MAP4K3: variants seen among roughly 807,000 people sequenced by gnomAD.
The protein encoded by MAP4K3 is MAPK/ERK kinase kinase kinase 3.
MAP4K3 carries 94 observed loss-of-function variants against 143.5 expected under a neutral mutation model. The observed-to-expected ratio is 0.65, with a 90% CI of 0.55 to 0.78. The LOEUF (loss-of-function observed/expected upper bound fraction) is 0.78. MAP4K3 is among the 30% of genes least tolerant of loss of function. MAP4K3 has a pLI of 0.00. For synonymous variants in MAP4K3, 416 were observed against 347.2 expected (o/e 1.20, Z -2.20); for missense variants, 1,077 against 1,068.1 (o/e 1.01, Z -0.12).
intron 12 of MAP4K3, among the ~76,000 whole-genome samples, chr2:39,322,560 T>C (rs1015921673): frequency 1.3e-5 from 2 of 151,414 alleles, no homozygotes; most frequent in African/African-American, 2.4e-5. Context: ...GCATAACCTA[T>C]AAAAAACTTA....
At chr2:39,422,430 C>G (rs1216599830) in intron 1 of MAP4K3, among the ~76,000 whole-genome samples, 4 of 152,122 alleles carry the variant, frequency 2.6e-5, no homozygotes, top group Non-Finnish European at 5.9e-5. Flanking sequence ...CAGGAGAAAA[C>G]AGCCAACTAT....
chr2:39,383,651 C>T (rs771790804), intron 1 of MAP4K3, among the ~76,000 whole-genome samples: 2 of 151,728 alleles, frequency 1.3e-5, no homozygotes, highest in Non-Finnish European at 2.9e-5. Context: ...AATAAGAGTG[C>T]CTGTGTTCAC....
chr2:39,300,822 A>G (rs891185110), intron 15 of MAP4K3, among the ~76,000 whole-genome samples: 3 of 152,214 alleles, frequency 2.0e-5, no homozygotes, highest in Non-Finnish European at 4.4e-5. Context: ...TAGCACTTAC[A>G]CTGCATTTTA....
intron 1 of MAP4K3, among the ~76,000 whole-genome samples, chr2:39,384,781 C>A (rs923492330): frequency 6.6e-6 from 1 of 152,012 alleles, no homozygotes; most frequent in Non-Finnish European, 1.5e-5. Flanking sequence ...AACTACCAGA[C>A]AATAAAATGG....
intron 1 of MAP4K3, among the ~76,000 whole-genome samples, chr2:39,414,117 A>G (rs1667304253): frequency 6.6e-6 from 1 of 152,168 alleles, no homozygotes; most frequent in African/African-American, 2.4e-5. Context: ...GATACTTTAC[A>G]ATAAGCAACA....
intron 8 of MAP4K3, among the ~76,000 whole-genome samples, chr2:39,329,247 C>T (rs1683607206): frequency 6.6e-6 from 1 of 152,128 alleles, no homozygotes; most frequent in Admixed American, 6.5e-5. Context: ...TACAATAAAA[C>T]TGAGAAGACA....
chr2:39,294,305 C>T (rs1051083584), intron 16 of MAP4K3: 1 of 152,142 alleles, frequency 6.6e-6, no homozygotes, highest in Non-Finnish European at 1.5e-5. Flanking sequence ...AGGTTTTAGG[C>T]ATCAATATTT....
intron 1 of MAP4K3, among the ~76,000 whole-genome samples, chr2:39,419,532 G>A (rs575839377): frequency 3.3e-5 from 5 of 152,082 alleles, no homozygotes; most frequent in East Asian, 1.9e-4. Flanking sequence ...TAGCAGCTCC[G>A]CCCAGTAATT....
chr2:39,361,698 A>G (rs1023887066), intron 2 of MAP4K3, among the ~76,000 whole-genome samples: 1 of 151,166 alleles, frequency 6.6e-6, no homozygotes, highest in Admixed American at 6.6e-5. Context: ...TATTTAAACT[A>G]CATTTTATTT....
intron 14 of MAP4K3, 41 bp from the exon 15 acceptor site, chr2:39,308,046 A>G (rs757309670): frequency 1.4e-6 from 2 of 1,414,542 alleles, no homozygotes; most frequent in Admixed American, 2.2e-5. Context: ...ATTTACGCTT[A>G]GACTAAAAGC....
chr2:39,411,241 C>G (rs1395139583), intron 1 of MAP4K3, among the ~76,000 whole-genome samples: 1 of 152,162 alleles, frequency 6.6e-6, no homozygotes, highest in Non-Finnish European at 1.5e-5. Flanking sequence ...AAGCAGAGTA[C>G]AGACAGAAAG....
intron 2 of MAP4K3, among the ~76,000 whole-genome samples, chr2:39,375,764 G>C: frequency 6.6e-6 from 1 of 152,034 alleles, no homozygotes; most frequent in Admixed American, 6.6e-5. Flanking sequence ...AGTCCACCTC[G>C]TCCCCAGCTC....
At chr2:39,282,110 G>T (rs888636855) in intron 22 of MAP4K3, among the ~76,000 whole-genome samples, 4 of 151,626 alleles carry the variant, frequency 2.6e-5, no homozygotes, top group Non-Finnish European at 5.9e-5. Context: ...CAGGAGAATG[G>T]CATGAACCTG....
intron 31 of MAP4K3, among the ~76,000 whole-genome samples, chr2:39,257,412 T>A (rs1409770401): frequency 6.6e-6 from 1 of 152,138 alleles, no homozygotes; most frequent in Admixed American, 6.5e-5. Context: ...CAAAACATAA[T>A]CTGGTATACT....
chr2:39,313,481 T>C (rs1002098108), intron 13 of MAP4K3, among the ~76,000 whole-genome samples: 4 of 151,734 alleles, frequency 2.6e-5, no homozygotes, highest in Admixed American at 6.6e-5. Flanking sequence ...CTTCCTTTCT[T>C]TTTCTTTTCT....
At chr2:39,282,296 G>A (rs993496238) in intron 22 of MAP4K3, among the ~76,000 whole-genome samples, 25 of 150,442 alleles carry the variant, frequency 1.7e-4, no homozygotes, top group Non-Finnish European at 2.5e-4. Context: ...CCAGGAATTC[G>A]AGACCAGCCT....
rs199919551 is a variant in MAP4K3 at position 39,250,639 on chromosome 2, C to T, written c.2664G>A (p.Ala888=). ...PTANSNLYIL[A]GHENSY is the part of the protein sequence containing the mutation. ...ATTCTCAGTAACTGTTTTCATGACC[C>T]GCCAGGATGTACAAATTGCTATTTG... Residue 888 remains alanine, a synonymous_variant, in exon 34 of 34, where the codon GCG becomes GCA. Transcript: ENST00000263881. 4.0e-5 allele frequency: 65 copies of T among 1,613,562 alleles called. No individual in the cohort carries two copies. The highest frequency in any genetic ancestry group is 2.5e-4 in the South Asian group (23 of 90,998).
At chr2:39,313,313 C>T (rs1363245519) in intron 13 of MAP4K3, among the ~76,000 whole-genome samples, 1 of 152,098 alleles carries the variant, frequency 6.6e-6, no homozygotes, top group Non-Finnish European at 1.5e-5. Context: ...ATTATTTCGT[C>T]ACCCAGGTAC....
chr2:39,382,345 GA>G lies in MAP4K3; in HGVS notation c.97-4223del, dbSNP rs1469294646. On this transcript the variant is annotated intron_variant, in intron 1 of 33. Transcript: ENST00000263881. The stretch of plus-strand genomic sequence containing the variant: ...CATCTACTATGTATTGAGCCCCTTG[GA>G]GTACTCAAACCTTACTATGTAGAAG... 1.3e-3 allele frequency among the ~76,000 whole-genome samples: 199 copies of G among 152,274 alleles called. 3 individuals carry two copies. The highest frequency in any genetic ancestry group is 4.6e-3 in the African/African-American group (193 of 41,556).
Sources: gnomAD v4.1 joint callset for allele counts (sites outside exome capture counted in the v4.1 genomes callset) on GRCh38, gnomAD v4.1.1 for gene constraint, MANE v1.5 for transcripts, NCBI Gene and HGNC (gene_info 2026-07-23, HGNC 2026-07-21) for gene names.